Variants in KCNIP4 observed in about 807,000 individuals in gnomAD.
KCNIP4 encodes potassium voltage-gated channel interacting protein 4.
In KCNIP4, 12 loss-of-function variants were observed where a neutral mutation model predicts 34.0. That is an observed-to-expected ratio of 0.35 (90% CI 0.23 to 0.57). The LOEUF (loss-of-function observed/expected upper bound fraction) is 0.57, where lower values mean the gene tolerates loss of function less well. Among genes scored for constraint, KCNIP4 ranks in the 20% least tolerant of loss-of-function variants. The pLI, the probability that KCNIP4 is intolerant of heterozygous loss-of-function variation, is 0.83. For synonymous variants in KCNIP4, 124 were observed against 102.2 expected, an observed-to-expected ratio of 1.21 and a Z score of -1.29; for missense variants, 238 against 311.7, an observed-to-expected ratio of 0.76 and a Z score of 1.78.
chr4:21,325,501 TAGTC>T (rs1394278537), intron 1 of KCNIP4, among the ~76,000 whole-genome samples: 1 of 151,922 alleles, frequency 6.6e-6, no homozygotes, highest in Non-Finnish European at 1.5e-5. Context: ...TTTGCTTCAT[TAGTC>T]TGTCTAAAGT....
At chr4:21,074,104 T>A (rs1239936229) in intron 1 of KCNIP4, among the ~76,000 whole-genome samples, 1 of 152,170 alleles carries the variant, frequency 6.6e-6, no homozygotes, top group African/African-American at 2.4e-5. Flanking sequence ...TTCTCTTTTT[T>A]TGTTGTGTCT....
intron 1 of KCNIP4, among the ~76,000 whole-genome samples, chr4:21,887,323 T>C (rs1011953912): frequency 2.6e-5 from 4 of 152,054 alleles, no homozygotes; most frequent in Non-Finnish European, 5.9e-5. Context: ...GTTGGCCATA[T>C]TCTGGTTGTA....
intron 1 of KCNIP4, among the ~76,000 whole-genome samples, chr4:21,347,237 G>A (rs182640412): frequency 1.3e-5 from 2 of 152,290 alleles, no homozygotes; most frequent in Admixed American, 6.5e-5. Context: ...AATCATAATA[G>A]CTAGATAGGG....
intron 1 of KCNIP4, among the ~76,000 whole-genome samples, chr4:21,254,430 C>G (rs1446880067): frequency 6.6e-6 from 1 of 152,184 alleles, no homozygotes; most frequent in Non-Finnish European, 1.5e-5. Flanking sequence ...TATTCCCAGT[C>G]TTCACTGCAG....
chr4:21,835,177 A>G (rs1312388423), intron 1 of KCNIP4, among the ~76,000 whole-genome samples: 2 of 152,128 alleles, frequency 1.3e-5, no homozygotes, highest in Non-Finnish European at 2.9e-5. Flanking sequence ...TAAAAACACG[A>G]CACAAAATGT....
chr4:21,766,978 A>T (rs750912586), intron 1 of KCNIP4, among the ~76,000 whole-genome samples: 13 of 152,180 alleles, frequency 8.5e-5, no homozygotes, highest in Non-Finnish European at 1.8e-4. Flanking sequence ...AAAATGCACA[A>T]GGAAACAATG....
intron 1 of KCNIP4, among the ~76,000 whole-genome samples, chr4:21,810,746 T>G (rs990709452): frequency 6.6e-6 from 1 of 151,040 alleles, no homozygotes; most frequent in Admixed American, 6.6e-5. Context: ...TACCCACAGA[T>G]TTTTTTATGA....
intron 1 of KCNIP4, among the ~76,000 whole-genome samples, chr4:21,478,719 A>T (rs1731191541): frequency 6.6e-6 from 1 of 152,178 alleles, no homozygotes; most frequent in Non-Finnish European, 1.5e-5. Flanking sequence ...TGCACTAATG[A>T]TAAGCAGTAT....
intron 1 of KCNIP4, among the ~76,000 whole-genome samples, chr4:21,131,750 A>G (rs1333371705): frequency 6.6e-6 from 1 of 152,260 alleles, no homozygotes; most frequent in Non-Finnish European, 1.5e-5. Flanking sequence ...TTTATTAGAA[A>G]TACATCAAGC....
chr4:21,036,838 T>C (rs931071858), intron 1 of KCNIP4, among the ~76,000 whole-genome samples: 1 of 152,230 alleles, frequency 6.6e-6, no homozygotes, highest in Non-Finnish European at 1.5e-5. Flanking sequence ...AGACCACATG[T>C]ATGATGATGG....
intron 1 of KCNIP4, among the ~76,000 whole-genome samples, chr4:21,920,179 AGGG>A (rs1560182386): frequency 5.3e-5 from 8 of 152,186 alleles, no homozygotes; most frequent in Non-Finnish European, 1.2e-4. Flanking sequence ...AAATATGCAA[AGGG>A]TCAAATCATA....
At chr4:20,937,184 C>T (rs1250479495) in intron 1 of KCNIP4, among the ~76,000 whole-genome samples, 1 of 142,362 alleles carries the variant, frequency 7.0e-6, no homozygotes, top group Non-Finnish European at 1.5e-5. Context: ...CTCATAAACA[C>T]ATACTTAGGG....
chr4:20,733,659 G>C (rs1388820153), intron 6 of KCNIP4, among the ~76,000 whole-genome samples: 7 of 152,174 alleles, frequency 4.6e-5, no homozygotes, highest in Non-Finnish European at 8.8e-5. Context: ...TGAAGAACAA[G>C]AGATATTTAA....
chr4:20,819,707 A>T (rs1467638455), intron 3 of KCNIP4, among the ~76,000 whole-genome samples: 2 of 152,216 alleles, frequency 1.3e-5, no homozygotes, highest in East Asian at 3.9e-4. Flanking sequence ...GCTTCGCCTC[A>T]TTAATGGGAT....
intron 1 of KCNIP4, among the ~76,000 whole-genome samples, chr4:21,308,423 G>T (rs1175532834): frequency 1.3e-5 from 2 of 152,148 alleles, no homozygotes; most frequent in East Asian, 3.9e-4. Context: ...GAAGAGAGGG[G>T]TTTACATTTC....
At chr4:21,787,530 T>C (rs1719993561) in intron 1 of KCNIP4, among the ~76,000 whole-genome samples, 1 of 152,268 alleles carries the variant, frequency 6.6e-6, no homozygotes, top group East Asian at 1.9e-4. Context: ...AACAACCCCA[T>C]GAAGAAGTTA....
chr4:20,915,109 T>C (rs1728681748), intron 1 of KCNIP4, among the ~76,000 whole-genome samples: 1 of 152,246 alleles, frequency 6.6e-6, no homozygotes, highest in South Asian at 2.1e-4. Flanking sequence ...CATCAGTTTA[T>C]AATCTTCTAG....
intron 1 of KCNIP4, among the ~76,000 whole-genome samples, chr4:21,394,260 G>T (rs143647333): frequency 1.6e-3 from 248 of 152,160 alleles, no homozygotes; most frequent in Middle Eastern, 6.8e-3. Flanking sequence ...AAAATTCAGT[G>T]CTCCTTCAGA....
intron 1 of KCNIP4, among the ~76,000 whole-genome samples, chr4:21,706,632 T>C (rs550552440): frequency 3.9e-5 from 6 of 152,242 alleles, no homozygotes; most frequent in Admixed American, 6.5e-5. Flanking sequence ...GACTGATTGA[T>C]TAAGGGAAGA....
Sources: allele counts gnomAD v4.1 joint callset (sites outside exome capture counted in the v4.1 genomes callset), GRCh38; gene constraint gnomAD v4.1.1; transcripts MANE v1.5; gene names NCBI Gene and HGNC (gene_info 2026-07-23, HGNC 2026-07-21).